The following MRPS6 variants were observed in gnomAD, a reference collection of about 807,000 sequenced individuals.
MRPS6 encodes small ribosomal subunit protein bS6m.
In MRPS6, 6 loss-of-function variants were observed where a neutral mutation model predicts 13.1. That is an observed-to-expected ratio of 0.46 (90% CI 0.25 to 0.91). The LOEUF is 0.91. MRPS6 is among the 40% of genes least tolerant of loss of function. The probability of loss-of-function intolerance (pLI) is 0.18; values close to 1 mark genes in which losing one functional copy is unlikely to be tolerated. For synonymous variants in MRPS6, 61 were observed against 56.5 expected, an observed-to-expected ratio of 1.08 and a Z score of -0.36; for missense variants, 164 against 155.6, an observed-to-expected ratio of 1.05 and a Z score of -0.29.
chr21:34,132,187 C>T (rs1344415605), intron 2 of MRPS6, among the ~76,000 whole-genome samples: 2 of 151,914 alleles, frequency 1.3e-5, no homozygotes, highest in Non-Finnish European at 2.9e-5. Flanking sequence ...GAGAAGAGGT[C>T]GGGAGGGGGT....
intron 1 of MRPS6, chr21:34,102,464 C>T: frequency 1.0e-6 from 1 of 1,000,128 alleles, no homozygotes. Context: ...CAGTAACCAA[C>T]AACCCTAACC....
chr21:34,124,525 G>A (rs1980234069), intron 1 of MRPS6: 1 of 148,030 alleles, frequency 6.8e-6, no homozygotes, highest in Non-Finnish European at 1.5e-5. Flanking sequence ...TAAATAACAG[G>A]CCTTGATTAC....
chr21:34,118,762 G>A (rs1319281242), intron 1 of MRPS6, among the ~76,000 whole-genome samples: 1 of 151,930 alleles, frequency 6.6e-6, no homozygotes, highest in Non-Finnish European at 1.5e-5. Flanking sequence ...TGATCTGCCC[G>A]CCTTGGCATC....
In MRPS6 at chr21:34,142,609, G is replaced by A. The variant is rs1031709708; in HGVS notation, c.*9G>A. On this transcript the variant is annotated 3_prime_UTR_variant, in exon 3 of 3. Coordinates refer to ENST00000399312, the MANE Select transcript of MRPS6 (RefSeq NM_032476.4). The stretch of plus-strand genomic sequence containing the variant: ...AGAAGAGGAAGAAGTGAGAAGATTC[G>A]CCAGATTTTAGCCTTATATGTAATT... 1.3e-6 allele frequency: 2 copies of A among 1,589,220 alleles called. No individual in the cohort carries two copies. Among genetic ancestry groups the A allele is most frequent in the African/African-American group, 1.3e-5 (1 of 74,080 alleles).
chr21:34,140,313 A>G (rs1980866259), intron 2 of MRPS6, among the ~76,000 whole-genome samples: 1 of 150,770 alleles, frequency 6.6e-6, no homozygotes, highest in Non-Finnish European at 1.5e-5. Flanking sequence ...GATTTGTAGC[A>G]TTTTCTTTTT....
intron 2 of MRPS6, among the ~76,000 whole-genome samples, chr21:34,129,121 G>T (rs1980411119): frequency 6.6e-6 from 1 of 152,158 alleles, no homozygotes; most frequent in Non-Finnish European, 1.5e-5. Flanking sequence ...AGGGGAAGAT[G>T]TCATTTATGT....
chr21:34,103,642 C>G (rs1457578126), intron 1 of MRPS6: 1 of 999,934 alleles, frequency 1.0e-6, no homozygotes, highest in Non-Finnish European at 1.2e-6. Context: ...TCTCTGTATC[C>G]CACAAGTGCC....
At chr21:34,084,802 T>C (rs974304177) in intron 1 of MRPS6, among the ~76,000 whole-genome samples, 3 of 152,228 alleles carry the variant, frequency 2.0e-5, no homozygotes, top group Admixed American at 1.3e-4. Context: ...TCTTAAAATT[T>C]TTTTCATTAA....
At chr21:34,095,158 C>T (rs377054525) in intron 1 of MRPS6, 25 of 1,434,606 alleles carry the variant, frequency 1.7e-5, no homozygotes, top group African/African-American at 2.5e-5. Flanking sequence ...AAAAGTTGGA[C>T]ACTTCTGTCA....
Position 34,142,461 on chromosome 21 carries a change from A to T in MRPS6, c.239A>T (p.Glu80Val), listed in dbSNP as rs1429924120. Residue 80 changes from glutamate (E) to valine (V), a missense_variant, in exon 3 of 3, where the codon GAG (glutamate) becomes GTG (valine). Glu to Val is a moderately radical substitution (Grantham distance 121, BLOSUM62 -2). Coordinates refer to ENST00000399312, the MANE Select transcript of MRPS6 (RefSeq NM_032476.4). ...APTAAVESMV[E>V]HLSRDIDVIR... ...ACCGCAGCTGTTGAAAGCATGGTGG[A>T]GCACTTGTCTCGAGATATAGATGTG... The T allele has an allele frequency of 1.9e-6, 3 of 1,609,874 alleles. 1 individual carries two copies. In the South Asian group the frequency reaches 3.3e-5, roughly 18 times the overall value.
intron 1 of MRPS6, among the ~76,000 whole-genome samples, chr21:34,088,119 C>A (rs1978489659): frequency 6.6e-6 from 1 of 152,182 alleles, no homozygotes. Context: ...TGTGAGAACC[C>A]TTGCATTTGT....
chr21:34,090,068 G>A (rs1250116970), intron 1 of MRPS6, among the ~76,000 whole-genome samples: 2 of 152,146 alleles, frequency 1.3e-5, no homozygotes, highest in Non-Finnish European at 2.9e-5. Context: ...CATCATGTCA[G>A]TTCTCAAAAA....
chr21:34,109,807 GAAAA>G (rs529165691), intron 1 of MRPS6, among the ~76,000 whole-genome samples: 1 of 145,712 alleles, frequency 6.9e-6, no homozygotes, highest in Non-Finnish European at 1.5e-5. Context: ...GGTTGTACCT[GAAAA>G]AAAAAAATCC....
intron 1 of MRPS6, chr21:34,097,446 T>C (rs931353050): frequency 1.3e-6 from 2 of 1,492,538 alleles, no homozygotes; most frequent in Admixed American, 2.4e-5. Flanking sequence ...TCAGGCATTG[T>C]TTACGCTGTA....
chr21:34,096,718 A>G lies in MRPS6; in HGVS notation c.45+22973A>G, dbSNP rs767822490. The G allele has an allele frequency of 5.6e-6, 9 of 1,614,092 alleles. No homozygotes were observed. Among genetic ancestry groups the G allele is most frequent in the African/African-American group, 1.3e-5 (1 of 75,018 alleles). ...CCTGATAATAGGCCGGGCTTCATCA[A>G]AGACATCCATTATATGTATGTGGCC... On this transcript the variant is annotated intron_variant, in intron 1 of 2. Transcript: ENST00000399312. This position sits in a 1 kb window ranked among gnomAD's most constrained non-coding sequence, Gnocchi z 5.9.
chr21:34,100,069 T>A, intron 1 of MRPS6: 1 of 996,882 alleles, frequency 1.0e-6, no homozygotes, highest in Non-Finnish European at 1.2e-6. Context: ...CTTTAGACAT[T>A]AACATGTGTA....
chr21:34,075,256 G>A (rs576908135), intron 1 of MRPS6, among the ~76,000 whole-genome samples: 1 of 152,210 alleles, frequency 6.6e-6, no homozygotes, highest in Non-Finnish European at 1.5e-5. Context: ...AGGTGACACT[G>A]AAAGAGGCAA....
At chr21:34,101,578 C>T (rs1352384655) in intron 1 of MRPS6, 2 of 999,952 alleles carry the variant, frequency 2.0e-6, no homozygotes, top group Non-Finnish European at 2.4e-6. Flanking sequence ...TCTTCCTTCA[C>T]ATTGCTGTGT....
At chr21:34,083,041 C>G (rs113862935) in intron 1 of MRPS6, among the ~76,000 whole-genome samples, 1,750 of 152,296 alleles carry the variant, frequency 0.011, 38 homozygotes, top group South Asian at 0.08. Flanking sequence ...TTTTCTGCTT[C>G]TGCCCCAGAA....
Sources: allele counts gnomAD v4.1 joint callset (sites outside exome capture counted in the v4.1 genomes callset), GRCh38; gene constraint gnomAD v4.1.1; non-coding constraint Gnocchi (gnomAD v3.1); transcripts MANE v1.5; gene names NCBI Gene and HGNC (gene_info 2026-07-23, HGNC 2026-07-21).